Variants in GMNN observed in about 807,000 individuals in gnomAD.
GMNN encodes the protein geminin DNA replication inhibitor.
Under a neutral mutation model 20.9 loss-of-function variants are expected in GMNN, and 14 were observed. That is an observed-to-expected ratio of 0.67 (90% CI 0.44 to 1.05). The LOEUF (loss-of-function observed/expected upper bound fraction) is 1.05. Among genes scored for constraint, GMNN ranks in the 50% least tolerant of loss-of-function variants. The pLI is 0.00. For missense variants in GMNN, 227 were observed against 243.8 expected (o/e 0.93, Z 0.46); for synonymous variants, 81 against 85.8 (o/e 0.94, Z 0.31).
chr6:24,779,834 A>T (rs1780157958), intron 2 of GMNN, among the ~76,000 whole-genome samples: 1 of 152,254 alleles, frequency 6.6e-6, no homozygotes, highest in Non-Finnish European at 1.5e-5. Flanking sequence ...TCACCAAAAC[A>T]ATAGCTTGGG....
At position 24,774,952 on chromosome 6, in the gene GMNN, G is replaced by A. The variant is rs1247262163; in HGVS notation, c.-318G>A. ...CCTCGTCTGCGTCAGTTGGTCACGT[G>A]GTTGTTCGGAGCGGGCGAGCGGAGT... On this transcript the variant is annotated 5_prime_UTR_variant, in exon 1 of 7. Coordinates refer to ENST00000230056, the MANE Select transcript of GMNN (RefSeq NM_015895.5). The A allele has an allele frequency of 6.6e-6, 1 of 152,288 alleles. No homozygotes were observed. The highest frequency in any genetic ancestry group is 2.4e-5 in the African/African-American group (1 of 41,474). 9.4% of individuals were successfully genotyped at this position (152,288 alleles called of 1,614,324 possible).
chr6:24,777,173 C>A, intron 1 of GMNN, 49 bp from the exon 2 acceptor site: 1 of 609,788 alleles, frequency 1.6e-6, no homozygotes, highest in Non-Finnish European at 2.9e-6. Context: ...TATTTTAAAC[C>A]TAGACTCCAC....
intron 6 of GMNN, among the ~76,000 whole-genome samples, chr6:24,785,237 C>T (rs1267112486): frequency 6.6e-6 from 1 of 152,104 alleles, no homozygotes; most frequent in Non-Finnish European, 1.5e-5. Context: ...TGACCTTTTA[C>T]ATTTGAGATC....
chr6:24,784,137 G>A lies in GMNN; in HGVS notation c.325G>A (p.Ala109Thr). The A allele has an allele frequency of 6.5e-7, 1 of 1,535,246 alleles. No individual in the cohort carries two copies. The highest frequency in any genetic ancestry group is 9.0e-7 in the Non-Finnish European group (1 of 1,110,080). Residue 109 changes from alanine (A) to threonine (T), a missense_variant, in exon 5 of 7, where the codon GCG becomes ACG. Physicochemically the swap from Ala to Thr is moderately conservative, Grantham distance 58. Transcript: ENST00000230056. ...GGAAGTGGCAGAAAAACGGAGAAAG[G>A]CGCTGTATGAAGCACTTAAGGAAAA... ...WKEVAEKRRK[A>T]LYEALKENEK...
Position 24,780,676 on chromosome 6 carries a change from C to T in GMNN, c.65C>T (p.Pro22Leu). Residue 22 changes from proline (P) to leucine (L), a missense_variant, in exon 3 of 7, where the codon CCA (proline) becomes CTA (leucine). Coordinates refer to ENST00000230056, the MANE Select transcript of GMNN (RefSeq NM_015895.5). ...CTGACTTTTTAGAATAGTTCTGTCCCAAGAAGAACTCTGAAGATGATTCAG... is the reference window on the plus strand; with the variant it reads ...CTGACTTTTTAGAATAGTTCTGTCCTAAGAAGAACTCTGAAGATGATTCAG... ...IKENIKNSSV[P>L]RRTLKMIQPS... The T allele has an allele frequency of 1.3e-6, 2 of 1,581,548 alleles. No individual in the cohort carries two copies. Among genetic ancestry groups the T allele is most frequent in the South Asian group, 2.2e-5 (2 of 90,416 alleles).
Position 24,784,122 on chromosome 6 carries a change from G to A in GMNN, c.310G>A (p.Glu104Lys), listed in dbSNP as rs1280434650. ...PSSQYWKEVAEKRRKALYEAL... is the reference protein window; with the variant it reads ...PSSQYWKEVAKKRRKALYEAL... ...CTCTCAGTATTGGAAGGAAGTGGCA[G>A]AAAAACGGAGAAAGGCGCTGTATGA... Residue 104 changes from glutamate to lysine, a missense_variant, in exon 5 of 7, where the codon GAA (glutamate) becomes AAA (lysine). Glu to Lys is a moderately conservative substitution (Grantham distance 56). Coordinates refer to ENST00000230056, the MANE Select transcript of GMNN (RefSeq NM_015895.5). 6.5e-7 allele frequency: 1 copy of A among 1,529,150 alleles called. No individual in the cohort carries two copies. Among genetic ancestry groups the A allele is most frequent in the South Asian group, 1.1e-5 (1 of 88,090 alleles). 94.7% of individuals were successfully genotyped at this position (1,529,150 alleles called of 1,614,324 possible). A position where few individuals can be genotyped will look rare whatever the true frequency, so the allele number is the denominator to read the frequency against.
At chr6:24,779,064 A>C (rs551248098) in intron 2 of GMNN, among the ~76,000 whole-genome samples, 1 of 152,330 alleles carries the variant, frequency 6.6e-6, no homozygotes, top group African/African-American at 2.4e-5. Context: ...TTTCAGCCTT[A>C]GTTTACTCAT....
chr6:24,780,845 AAAT>A (rs1183629901), intron 3 of GMNN, 105 bp downstream of exon 3: 1 of 661,838 alleles, frequency 1.5e-6, no homozygotes, highest in Non-Finnish European at 2.8e-6. Flanking sequence ...TGAAATTTGG[AAAT>A]AATTTGGGAA....
chr6:24,780,633 A>G (rs1365935231), intron 2 of GMNN, 30 bp from the exon 3 acceptor site: 4 of 1,250,806 alleles, frequency 3.2e-6, no homozygotes, highest in Non-Finnish European at 4.7e-6. Context: ...CAACTCAGTA[A>G]CAAGATAATG....
intron 1 of GMNN, chr6:24,775,586 C>T (rs1158281290): frequency 1.3e-5 from 2 of 152,272 alleles, no homozygotes; most frequent in Non-Finnish European, 2.9e-5. Flanking sequence ...TGGTCCTGAT[C>T]TGAGGGATCT....
chr6:24,781,454 G>C, intron 3 of GMNN, 23 bp from the exon 4 acceptor site: 1 of 1,523,430 alleles, frequency 6.6e-7, no homozygotes, highest in Non-Finnish European at 9.0e-7. Context: ...AGTAAATACA[G>C]TTGATAAGTG....
rs752671362 is a variant in GMNN, at chr6:24,781,531, A to G, written c.184A>G (p.Thr62Ala). 3.2e-5 allele frequency: 51 copies of G among 1,590,398 alleles called. No homozygotes were observed. Among genetic ancestry groups the G allele is most frequent in the Non-Finnish European group, 1.9e-5 (22 of 1,162,448 alleles). Reference sequence around the variant, plus strand: ...TCGGAATGACCACTTAACATCTACAACTTCCAGCCCTGGGGTTATTGTCCC... The same window carrying G: ...TCGGAATGACCACTTAACATCTACAGCTTCCAGCCCTGGGGTTATTGTCCC... Reference protein sequence around the residue: ...KHRNDHLTSTTSSPGVIVPES... With the variant: ...KHRNDHLTSTASSPGVIVPES... The change falls in exon 4 of 7, where the codon ACT becomes GCT. Residue 62 changes from threonine to alanine, a missense_variant. Transcript: ENST00000230056.
Position 24,785,919 on chromosome 6 carries a change from C to G in GMNN, c.*120C>G, listed in dbSNP as rs1019915685. On this transcript the variant is annotated 3_prime_UTR_variant, in exon 7 of 7. Transcript: ENST00000230056. Reference sequence around the variant, plus strand: ...TGGAATCAAATTTCCTTGTTTGAATCCTGGGACCCTATTGCATTAAAGTAC... The same window carrying G: ...TGGAATCAAATTTCCTTGTTTGAATGCTGGGACCCTATTGCATTAAAGTAC... 3.6e-5 allele frequency: 23 copies of G among 646,100 alleles called. No individual in the cohort carries two copies. In the East Asian group the frequency reaches 6.7e-4, roughly 19 times the overall value. The allele number at this position is 646,100 out of a possible 1,614,324, so 40.0% of individuals were successfully genotyped here. A position where few individuals can be genotyped will look rare whatever the true frequency, so the allele number is the denominator to read the frequency against.
chr6:24,777,706 A>G (rs1438976401), intron 2 of GMNN: 2 of 152,534 alleles, frequency 1.3e-5, no homozygotes, highest in African/African-American at 4.8e-5. Context: ...GCTGAACTTA[A>G]TAGTTCTAAT....
intron 1 of GMNN, chr6:24,775,864 C>G (rs1185527404): frequency 6.6e-6 from 1 of 152,168 alleles, no homozygotes; most frequent in East Asian, 1.9e-4. Context: ...GCTATCTAAC[C>G]AAATGAGACG....
intron 6 of GMNN, among the ~76,000 whole-genome samples, chr6:24,785,060 T>C (rs1018367722): frequency 2.7e-4 from 41 of 152,162 alleles, no homozygotes; most frequent in Admixed American, 2.7e-3. Flanking sequence ...TATCTGACTT[T>C]AAAACATTTT....
intron 3 of GMNN, 78 bp downstream of exon 3, chr6:24,780,818 A>T: frequency 1.4e-6 from 1 of 731,670 alleles, no homozygotes. Context: ...TTTCTTGGTC[A>T]GAAACACGTA....
chr6:24,781,647 CTTAATT>C, intron 4 of GMNN, 26 bp downstream of exon 4: 1 of 1,205,268 alleles, frequency 8.3e-7, no homozygotes, highest in Non-Finnish European at 1.1e-6. Flanking sequence ...TAACTTTTGT[CTTAATT>C]TTAAATTATG....
rs1183361678 is a variant in GMNN, at chr6:24,785,711, T to C, written c.542T>C (p.Val181Ala). ...NQEFDSEEET[V>A]EDSLVEDSEI... ...GAATTTGATTCTGAAGAAGAAACTG[T>C]TGAGGATTCTCTAGTGGAAGACTCA... The change falls in exon 7 of 7, where the codon GTT becomes GCT. Residue 181 changes from valine to alanine, a missense_variant. By Grantham distance (64) the Val-to-Ala change is moderately conservative. Transcript: ENST00000230056. 1.3e-6 allele frequency: 2 copies of C among 1,564,412 alleles called. No homozygotes were observed. Among genetic ancestry groups the C allele is most frequent in the East Asian group, 2.3e-5 (1 of 43,836 alleles).
Sources: allele counts gnomAD v4.1 joint callset (sites outside exome capture counted in the v4.1 genomes callset), GRCh38; gene constraint gnomAD v4.1.1; transcripts MANE v1.5; gene names NCBI Gene and HGNC (gene_info 2026-07-23, HGNC 2026-07-21).